The following GANAB variants were observed in gnomAD, a reference collection of about 807,000 sequenced individuals.
GANAB encodes neutral alpha-glucosidase AB.
Under a neutral mutation model 129.9 loss-of-function variants are expected in GANAB, and 35 were observed. The ratio of observed to expected loss-of-function variants is 0.27; its 90% CI spans 0.21 to 0.36. The LOEUF is 0.36. Ranked by LOEUF, GANAB falls within the 10% of genes least tolerant of loss-of-function variation. The pLI, the probability that GANAB is intolerant of heterozygous loss-of-function variation, is 1.00. For missense variants in GANAB, 939 were observed against 1,221.0 expected (o/e 0.77, Z 3.44); for synonymous variants, 482 against 451.8 (o/e 1.07, Z -0.85).
At chr11:62,627,162 A>G in intron 18 of GANAB, 38 bp from the exon 19 acceptor site, 7 of 1,561,042 alleles carry the variant, frequency 4.5e-6, no homozygotes, top group Non-Finnish European at 6.2e-6. Flanking sequence ...TAGGGGGATT[A>G]GTTCCCAGAA....
rs200414966 is a variant in GANAB at position 62,638,996 on chromosome 11, G to C, written c.367C>G (p.Pro123Ala). Residue 123 changes from proline to alanine, a missense_variant, in exon 4 of 24, where the codon CCA (proline) becomes GCA (alanine). Physicochemically the swap from Pro to Ala is conservative, Grantham distance 27. Around this residue, in one of 5 missense-constraint regions of GANAB, gnomAD observed 321 missense variants for 329.1 expected, o/e 0.98. Transcript: ENST00000356638. ...GGAAAAATTTACCGGGCTATTGGTG[G>C]ATCAGCCACCAAAACATCTGGTACA... ...YRVPDVLVAD[P>A]PIARLSVSGR... 79 of 1,613,952 alleles carry C rather than the reference G, an allele frequency of 4.9e-5. 1 individual carries two copies. The East Asian group carries it at 1.5e-3, about 31-fold the overall frequency.
intron 5 of GANAB, 36 bp from the exon 6 acceptor site, chr11:62,633,550 G>A (rs764066667): frequency 6.3e-7 from 1 of 1,587,106 alleles, no homozygotes; most frequent in South Asian, 1.1e-5. Context: ...CCAATCCAGA[G>A]GGGGCAGGGA....
At chr11:62,631,400 T>G (rs1040155657) in intron 9 of GANAB, among the ~76,000 whole-genome samples, 1 of 151,782 alleles carries the variant, frequency 6.6e-6, no homozygotes, top group Non-Finnish European at 1.5e-5. Flanking sequence ...TTGGGGTGGT[T>G]AAGTGCTAAC....
At chr11:62,645,918 T>C (rs1944457884) in intron 1 of GANAB, among the ~76,000 whole-genome samples, 1 of 152,202 alleles carries the variant, frequency 6.6e-6, no homozygotes, top group African/African-American at 2.4e-5. Flanking sequence ...ATCTTTTTTT[T>C]TCCCCAGTAA....
At chr11:62,643,742 G>T (rs1295758124) in intron 1 of GANAB, among the ~76,000 whole-genome samples, 3 of 152,172 alleles carry the variant, frequency 2.0e-5, no homozygotes, top group Non-Finnish European at 4.4e-5. Flanking sequence ...TTTGAGCCTG[G>T]GAGTCAGAGG....
intron 15 of GANAB, 97 bp from the exon 16 acceptor site, chr11:62,629,392 T>C: frequency 1.1e-6 from 1 of 917,706 alleles, no homozygotes; most frequent in Non-Finnish European, 1.8e-6. Context: ...CCCAGAACCC[T>C]GCTGAAGATG....
chr11:62,637,690 AAATG>A (rs1398979006), intron 4 of GANAB, among the ~76,000 whole-genome samples: 3 of 152,202 alleles, frequency 2.0e-5, no homozygotes, highest in African/African-American at 7.2e-5. Flanking sequence ...GCAGCAGTAA[AAATG>A]AATGAACTAG....
intron 4 of GANAB, among the ~76,000 whole-genome samples, chr11:62,636,381 G>A (rs1450313464): frequency 6.7e-6 from 1 of 149,508 alleles, no homozygotes; most frequent in Non-Finnish European, 1.5e-5. Flanking sequence ...CAGGTGGATC[G>A]CTTGAGCCCT....
At chr11:62,635,565 GA>G (rs1167683836) in intron 4 of GANAB, among the ~76,000 whole-genome samples, 1 of 136,416 alleles carries the variant, frequency 7.3e-6, no homozygotes, top group Non-Finnish European at 1.6e-5. Flanking sequence ...AAATGGAACT[GA>G]AAAAACATTT....
At chr11:62,630,552 A>G (rs753635379) in intron 11 of GANAB, 47 bp from the exon 12 acceptor site, 6 of 1,613,634 alleles carry the variant, frequency 3.7e-6, no homozygotes, top group East Asian at 4.5e-5. Context: ...AGGCTAAACT[A>G]TGCTTCAGCC....
intron 9 of GANAB, among the ~76,000 whole-genome samples, chr11:62,631,660 A>G (rs1264953861): frequency 2.0e-5 from 3 of 151,968 alleles, no homozygotes; most frequent in Non-Finnish European, 4.4e-5. Flanking sequence ...ACAGGGTTTC[A>G]CAATGTTGGC....
In GANAB at chr11:62,644,087, G is replaced by A. The variant is rs147331066; in HGVS notation, c.38+2475C>T. Among the ~76,000 whole-genome samples the A allele has an allele frequency of 2.7e-3, 405 of 152,232 alleles. 4 individuals carry two copies. Among genetic ancestry groups the A allele is most frequent in the African/African-American group, 9.4e-3 (389 of 41,574 alleles). The stretch of plus-strand genomic sequence containing the variant: ...TGCCTCCCAAGTAGCTGGGATTACA[G>A]GCGCGTGCCACCACACTCGGCTAAT... On this transcript the variant is annotated intron_variant, in intron 1 of 23. Coordinates refer to ENST00000356638, the MANE Select transcript of GANAB (RefSeq NM_198334.3).
chr11:62,633,343 C>A, intron 6 of GANAB, 72 bp from the exon 7 acceptor site: 1 of 1,542,122 alleles, frequency 6.5e-7, no homozygotes, highest in South Asian at 1.1e-5. Context: ...TCAACTAAAT[C>A]CCATCCCTGA....
Position 62,633,265 on chromosome 11 carries a change from C to T in GANAB, c.637G>A (p.Glu213Lys). The T allele has an allele frequency of 6.2e-7, 1 of 1,613,208 alleles. No homozygotes were observed. The highest frequency in any genetic ancestry group is 8.5e-7 in the Non-Finnish European group (1 of 1,179,150). ...ETPRDGDKPE[E>K]TQGKAEKDEP... ...TCTTTCTCTGCCTTCCCCTGAGTCT[C>T]CTCTGGCTGTTAAGAAGAAAAGAGG... Residue 213 changes from glutamate (E) to lysine (K), a missense_variant, in exon 7 of 24, where the codon GAG becomes AAG. Glu to Lys is a moderately conservative substitution (Grantham distance 56). Coordinates refer to ENST00000356638, the MANE Select transcript of GANAB (RefSeq NM_198334.3).
chr11:62,632,589 A>G lies in GANAB; in HGVS notation c.972T>C (p.Asp324=). The G allele has an allele frequency of 1.9e-6, 3 of 1,613,972 alleles. No homozygotes were observed. The highest frequency in any genetic ancestry group is 2.5e-6 in the Non-Finnish European group (3 of 1,179,928). Residue 324 remains aspartate, a synonymous_variant, in exon 9 of 24, where the codon GAT becomes GAC. Transcript: ENST00000356638. ...CCTTCCCGGCAGTGTTGGAAGATAT[A>G]TCAACCCAGGTCTCTGCAGCATTGA... The part of the protein sequence containing the change: ...FWLNAAETWV[D]ISSNTAGKTL...
At position 62,646,572 on chromosome 11, in the gene GANAB, G is replaced by A. The variant is rs766755625; in HGVS notation, c.28C>T (p.Arg10Cys). Residue 10 changes from arginine to cysteine, a missense_variant, in exon 1 of 24, where the codon CGT becomes TGT. Coordinates refer to ENST00000356638, the MANE Select transcript of GANAB (RefSeq NM_198334.3). MAAVAAVAARRRRSWASLVL... is the reference protein window; with the variant it reads MAAVAAVAACRRRSWASLVL... The stretch of plus-strand genomic sequence containing the variant: ...TTCCGGGCTCCTCACCGCCTCCTAC[G>A]CGCCGCCACTGCCGCTACCGCCGCC... 8.1e-6 allele frequency: 13 copies of A among 1,613,712 alleles called. No individual in the cohort carries two copies. The highest frequency in any genetic ancestry group is 2.2e-5 in the East Asian group (1 of 44,856).
intron 4 of GANAB, among the ~76,000 whole-genome samples, chr11:62,636,944 TA>T (rs993706795): frequency 6.0e-5 from 9 of 151,140 alleles, no homozygotes; most frequent in Non-Finnish European, 5.9e-5. Context: ...TATATATATA[TA>T]TTTTTTTCTG....
At chr11:62,640,975 G>A (rs145577117) in intron 1 of GANAB, among the ~76,000 whole-genome samples, 5 of 152,074 alleles carry the variant, frequency 3.3e-5, no homozygotes, top group South Asian at 2.1e-4. Context: ...TACCATATGC[G>A]TGGAACAGAG....
chr11:62,627,266 C>T (rs1469901859), intron 18 of GANAB, 23 bp downstream of exon 18: 4 of 1,516,864 alleles, frequency 2.6e-6, no homozygotes, highest in Non-Finnish European at 3.7e-6. Context: ...GCCAACCCAC[C>T]ACCAACTATC....
Sources: allele counts gnomAD v4.1 joint callset (sites outside exome capture counted in the v4.1 genomes callset), GRCh38; gene constraint gnomAD v4.1.1; regional missense constraint gnomAD v4.1.1; transcripts MANE v1.5; gene names NCBI Gene and HGNC (gene_info 2026-07-23, HGNC 2026-07-21).